MSI2: variants seen among roughly 807,000 people sequenced by gnomAD.
MSI2 encodes the protein RNA-binding protein Musashi homolog 2.
MSI2 carries 17 observed loss-of-function variants against 45.6 expected under a neutral mutation model. That is an observed-to-expected ratio of 0.37 (90% CI 0.26 to 0.56). The LOEUF (loss-of-function observed/expected upper bound fraction) is 0.56. Ranked by LOEUF, MSI2 falls within the 20% of genes least tolerant of loss-of-function variation. The probability of loss-of-function intolerance (pLI) is 0.77; values close to 1 mark genes in which losing one functional copy is unlikely to be tolerated. For missense variants in MSI2, 293 were observed against 444.2 expected, an observed-to-expected ratio of 0.66 and a Z score of 3.06; for synonymous variants, 156 against 158.2, an observed-to-expected ratio of 0.99 and a Z score of 0.11.
At chr17:57,488,609 C>T (rs555947991) in intron 6 of MSI2, among the ~76,000 whole-genome samples, 13 of 152,108 alleles carry the variant, frequency 8.5e-5, no homozygotes, top group East Asian at 7.7e-4. Flanking sequence ...TATCACCTGC[C>T]GTCAGGAGTT....
chr17:57,557,904 G>A (rs2087475621), intron 7 of MSI2, among the ~76,000 whole-genome samples: 1 of 152,224 alleles, frequency 6.6e-6, no homozygotes, highest in African/African-American at 2.4e-5. Flanking sequence ...CGAATTGTCA[G>A]CATTCCAGAA....
At chr17:57,389,367 T>A (rs1235871226) in intron 5 of MSI2, among the ~76,000 whole-genome samples, 1 of 152,200 alleles carries the variant, frequency 6.6e-6, no homozygotes, top group Admixed American at 6.5e-5. Context: ...GCCTGGCCTA[T>A]CCTCCTTGCA....
At chr17:57,284,900 CTTT>C (rs112263860) in intron 5 of MSI2, among the ~76,000 whole-genome samples, 4 of 140,332 alleles carry the variant, frequency 2.9e-5, no homozygotes, top group Admixed American at 7.2e-5. Flanking sequence ...TTAAAATGAC[CTTT>C]TTTTTTTTTT....
At chr17:57,575,161 A>AC (rs1300952187) in intron 7 of MSI2, among the ~76,000 whole-genome samples, 1 of 60,240 alleles carries the variant, frequency 1.7e-5, no homozygotes, top group East Asian at 5.8e-4. Context: ...TCCCCCCGCC[A>AC]CCCCCCGGCT....
At chr17:57,574,270 C>T (rs527404780) in intron 7 of MSI2, among the ~76,000 whole-genome samples, 1 of 152,318 alleles carries the variant, frequency 6.6e-6, no homozygotes, top group African/African-American at 2.4e-5. Context: ...CCACTGCCAG[C>T]TTCTCTCTCG....
intron 5 of MSI2, among the ~76,000 whole-genome samples, chr17:57,306,226 T>G (rs1419036615): frequency 1.3e-5 from 2 of 151,996 alleles, no homozygotes; most frequent in African/African-American, 4.8e-5. Flanking sequence ...TTGTGTTTCC[T>G]TCTCCTTGTG....
intron 6 of MSI2, among the ~76,000 whole-genome samples, chr17:57,499,954 T>A (rs1292941776): frequency 6.6e-6 from 1 of 152,042 alleles, no homozygotes; most frequent in African/African-American, 2.4e-5. Flanking sequence ...TTTTTTTTTT[T>A]AACCTAACCT....
chr17:57,538,587 T>C (rs138151680), intron 7 of MSI2, among the ~76,000 whole-genome samples: 38 of 152,116 alleles, frequency 2.5e-4, no homozygotes, highest in African/African-American at 8.9e-4. Context: ...AAGTGGAGAG[T>C]GCGGGGCAGC....
intron 5 of MSI2, among the ~76,000 whole-genome samples, chr17:57,325,329 T>TA (rs948270864): frequency 6.6e-6 from 1 of 152,056 alleles, no homozygotes. Flanking sequence ...GGGTGAAGGA[T>TA]AAAAAAACTA....
intron 8 of MSI2, among the ~76,000 whole-genome samples, chr17:57,610,024 C>T (rs554645452): frequency 3.9e-4 from 59 of 152,268 alleles, no homozygotes; most frequent in African/African-American, 1.1e-3. Context: ...TTATCGGGTC[C>T]GCTGGCAAAA....
chr17:57,506,182 C>G (rs1006343548), intron 6 of MSI2, among the ~76,000 whole-genome samples: 10 of 152,200 alleles, frequency 6.6e-5, no homozygotes, highest in African/African-American at 2.4e-4. Context: ...AGGGCAGGAC[C>G]CTGATGGGCC....
At chr17:57,456,478 C>A (rs1338157932) in intron 6 of MSI2, among the ~76,000 whole-genome samples, 3 of 152,160 alleles carry the variant, frequency 2.0e-5, no homozygotes, top group African/African-American at 7.2e-5. Context: ...CACCTGTAAT[C>A]CCAGCTACTC....
intron 7 of MSI2, among the ~76,000 whole-genome samples, chr17:57,570,049 TG>T (rs906822448): frequency 6.6e-6 from 1 of 152,196 alleles, no homozygotes; most frequent in African/African-American, 2.4e-5. Flanking sequence ...AAGGAAATTA[TG>T]GGACGCTCAT....
chr17:57,265,966 C>T (rs1239619207), intron 5 of MSI2: 3 of 152,160 alleles, frequency 2.0e-5, no homozygotes, highest in Non-Finnish European at 4.4e-5. Flanking sequence ...TGTGGAGGAA[C>T]CAAGAGACTC....
At chr17:57,591,503 G>A (rs547103031) in intron 7 of MSI2, among the ~76,000 whole-genome samples, 48 of 151,816 alleles carry the variant, frequency 3.2e-4, no homozygotes, top group Non-Finnish European at 5.7e-4. Flanking sequence ...CAGGAGGATC[G>A]CTTGAGCCCA....
At chr17:57,425,517 T>C (rs1426251900) in intron 6 of MSI2, among the ~76,000 whole-genome samples, 1 of 152,204 alleles carries the variant, frequency 6.6e-6, no homozygotes, top group East Asian at 1.9e-4. Context: ...GATGGCCTTT[T>C]CTGGTCAGTA....
chr17:57,534,469 T>C (rs1310875656), intron 7 of MSI2, among the ~76,000 whole-genome samples: 1 of 152,168 alleles, frequency 6.6e-6, no homozygotes, highest in Non-Finnish European at 1.5e-5. Flanking sequence ...CCCAGCACTT[T>C]GGGAGGCCGA....
At chr17:57,546,415 A>G (rs1166539564) in intron 7 of MSI2, among the ~76,000 whole-genome samples, 3 of 152,216 alleles carry the variant, frequency 2.0e-5, no homozygotes, top group Non-Finnish European at 4.4e-5. Context: ...GCTAATAAAA[A>G]CGAACAAATG....
Position 57,627,358 on chromosome 17 carries a change from C to A in MSI2, c.727+55C>A. 3 of 1,513,120 alleles carry A rather than the reference C, an allele frequency of 2.0e-6. No homozygotes were observed. The highest frequency in any genetic ancestry group is 2.8e-6 in the Non-Finnish European group (3 of 1,088,012). The allele number at this position is 1,513,120 out of a possible 1,614,324, so 93.7% of individuals were successfully genotyped here. A position where few individuals can be genotyped will look rare whatever the true frequency, so the allele number is the denominator to read the frequency against. ...AAGCACAAGAGGTGGGCTGCATTTG[C>A]GGGGAGGTGAGAGGACCCCTAAAGA... On this transcript the variant is annotated intron_variant, in intron 10 of 13. Coordinates refer to ENST00000284073, the MANE Select transcript of MSI2 (RefSeq NM_138962.4). This position sits in a 1 kb window ranked among gnomAD's most constrained non-coding sequence, Gnocchi z 4.6.
Sources: gnomAD v4.1 joint callset for allele counts (sites outside exome capture counted in the v4.1 genomes callset) on GRCh38, gnomAD v4.1.1 for gene constraint, Gnocchi (gnomAD v3.1) non-coding constraint, MANE v1.5 for transcripts, NCBI Gene and HGNC (gene_info 2026-07-23, HGNC 2026-07-21) for gene names.